CD163L1: variants seen among roughly 807,000 people sequenced by gnomAD.
CD163L1 encodes the protein scavenger receptor cysteine-rich type 1 protein M160.
Under a neutral mutation model 165.4 loss-of-function variants are expected in CD163L1, and 124 were observed. The ratio of observed to expected loss-of-function variants is 0.75; its 90% CI spans 0.65 to 0.87. CD163L1 has a LOEUF of 0.87. Among genes scored for constraint, CD163L1 ranks in the 40% least tolerant of loss-of-function variants. The pLI, the probability that CD163L1 is intolerant of heterozygous loss-of-function variation, is 0.00. For synonymous variants in CD163L1, 585 were observed against 662.2 expected (o/e 0.88, Z 1.79); for missense variants, 1,525 against 1,799.9 (o/e 0.85, Z 2.76).
chr12:7,325,416 G>A, the CD163L1 span, among the ~76,000 whole-genome samples: 3 of 152,232 alleles, frequency 2.0e-5, no homozygotes, highest in Non-Finnish European at 4.4e-5. Flanking sequence ...GGAGGCCGAG[G>A]TGGGTGGATC....
the CD163L1 span, among the ~76,000 whole-genome samples, chr12:7,321,781 C>G: frequency 6.6e-6 from 1 of 152,190 alleles, no homozygotes; most frequent in Non-Finnish European, 1.5e-5. Flanking sequence ...TTACTAATCA[C>G]GTGGCCTTGG....
chr12:7,419,419 A>G (rs1272662942), intron 4 of CD163L1, among the ~76,000 whole-genome samples: 1 of 152,066 alleles, frequency 6.6e-6, no homozygotes. Flanking sequence ...TTGGGGAAAC[A>G]TTGAAAGCAT....
the CD163L1 span, among the ~76,000 whole-genome samples, chr12:7,326,056 G>A: frequency 1.3e-5 from 2 of 152,174 alleles, no homozygotes; most frequent in South Asian, 4.1e-4. Context: ...ATCAATGTAT[G>A]AACAATAAAT....
intron 4 of CD163L1, among the ~76,000 whole-genome samples, chr12:7,431,605 T>C (rs929996526): frequency 1.4e-5 from 2 of 143,358 alleles, no homozygotes; most frequent in Non-Finnish European, 3.1e-5. Context: ...CCAGGGCCCG[T>C]TGGGGGGTGG....
Position 7,404,201 on chromosome 12 carries a change from T to C in CD163L1, c.1088-346A>G, listed in dbSNP as rs1356022213. ...CAATAAAAAGCCATATAAACCTATA[T>C]ATCATTAATTACATTAATTTTCAAA... On this transcript the variant is annotated intron_variant, in intron 5 of 19. Transcript: ENST00000313599. Among the ~76,000 whole-genome samples the C allele has an allele frequency of 2.6e-5, 4 of 152,172 alleles. No homozygotes were observed. In the South Asian group the frequency reaches 6.2e-4, roughly 24 times the overall value.
intron 4 of CD163L1, among the ~76,000 whole-genome samples, chr12:7,413,649 T>C (rs1948181450): frequency 6.6e-6 from 1 of 152,188 alleles, no homozygotes; most frequent in African/African-American, 2.4e-5. Flanking sequence ...CTTCCCCAGA[T>C]GGTGCATGTG....
rs1025430923 is a variant in CD163L1 at position 7,373,373 on chromosome 12, G to A, written c.3677C>T (p.Pro1226Leu). Residue 1226 changes from proline to leucine, a missense_variant, in exon 14 of 20, where the codon CCA becomes CTA. Transcript: ENST00000313599. ...HISIWQCLSA[P>L]WERRISSPAE... ...TGGGCTGGAGATTCTTCGCTCCCAT[G>A]GGGCAGACAGGCACTGCCATATGGA... The A allele has an allele frequency of 8.7e-6, 14 of 1,613,972 alleles. No individual in the cohort carries two copies. Among genetic ancestry groups the A allele is most frequent in the Non-Finnish European group, 1.1e-5 (13 of 1,179,972 alleles).
chr12:7,336,546 A>C, the CD163L1 span, among the ~76,000 whole-genome samples: 1 of 152,160 alleles, frequency 6.6e-6, no homozygotes, highest in Non-Finnish European at 1.5e-5. Context: ...ATTAGGAGAT[A>C]GACCTAATGC....
the CD163L1 span, chr12:7,324,230 G>C: frequency 6.2e-7 from 1 of 1,605,304 alleles, no homozygotes; most frequent in Non-Finnish European, 8.5e-7. Context: ...ACCCATCTCT[G>C]TTCTGACCAG....
At position 7,375,365 on chromosome 12, in the gene CD163L1, C is replaced by T; in HGVS notation, c.2917G>A (p.Glu973Lys). 1 of 1,614,164 alleles carries T rather than the reference C, an allele frequency of 6.2e-7. No individual in the cohort carries two copies. The highest frequency in any genetic ancestry group is 8.5e-7 in the Non-Finnish European group (1 of 1,180,022). The change falls in exon 11 of 20, where the codon GAG becomes AAG. Residue 973 changes from glutamate to lysine, a missense_variant. Coordinates refer to ENST00000313599, the MANE Select transcript of CD163L1 (RefSeq NM_174941.6). ...ATTTGACAGTTATCCAGAAGTGACT[C>T]ATTCCCTAAGCAATGAAACCTGTGT... ...WGHRFHCLGN[E>K]SLLDNCQMTV...
the CD163L1 span, among the ~76,000 whole-genome samples, chr12:7,330,363 AG>A: frequency 6.6e-6 from 1 of 152,236 alleles, no homozygotes; most frequent in Non-Finnish European, 1.5e-5. Context: ...CTAACTTTAC[AG>A]CCCCTCAATA....
chr12:7,323,344 G>T, the CD163L1 span: 10 of 1,601,124 alleles, frequency 6.2e-6, no homozygotes, highest in South Asian at 5.6e-5. Flanking sequence ...GACTGGTTCA[G>T]TAAAGGAGAG....
At chr12:7,439,294 T>G in intron 2 of CD163L1, 1 of 1,558,590 alleles carries the variant, frequency 6.4e-7, no homozygotes, top group Non-Finnish European at 8.7e-7. Context: ...ATCTCTTATT[T>G]CACCCTTTTT....
At chr12:7,397,269 G>A (rs1228563927) in intron 7 of CD163L1, among the ~76,000 whole-genome samples, 1 of 152,120 alleles carries the variant, frequency 6.6e-6, no homozygotes, top group Non-Finnish European at 1.5e-5. Flanking sequence ...GGACAAAGTG[G>A]GAAAAGAAAA....
At chr12:7,416,537 T>C (rs913294301) in intron 4 of CD163L1, among the ~76,000 whole-genome samples, 1 of 152,210 alleles carries the variant, frequency 6.6e-6, no homozygotes, top group African/African-American at 2.4e-5. Context: ...TCTTCTAGGG[T>C]TTTTATGGTT....
At position 7,375,559 on chromosome 12, in the gene CD163L1, T is replaced by A; in HGVS notation, c.2723A>T (p.Gln908Leu). 6.2e-7 allele frequency: 1 copy of A among 1,613,430 alleles called. No individual in the cohort carries two copies. Among genetic ancestry groups the A allele is most frequent in the Non-Finnish European group, 8.5e-7 (1 of 1,180,010 alleles). The change falls in exon 11 of 20, where the codon CAG (glutamine) becomes CTG (leucine). Residue 908 changes from glutamine to leucine, a missense_variant. Physicochemically the swap from Gln to Leu is moderately radical, Grantham distance 113. Transcript: ENST00000313599. ...TDVRLVNGKS[Q>L]CDGQVEINVL... ...GTTGATCTCCACTTGCCCGTCACAC[T>A]GGGATTTGCCATTCACAAGTCGGAC...
Position 7,427,048 on chromosome 12 carries a change from C to T in CD163L1, c.766+5368G>A, listed in dbSNP as rs531274404. On this transcript the variant is annotated intron_variant, in intron 4 of 19. Transcript: ENST00000313599. ...ATGAGCCCCTGTCAAAGCACCTAAA[C>T]ATATAAAGCGAATATTAAGAGATTG... Among the ~76,000 whole-genome samples, 6 of 152,080 alleles carry T rather than the reference C, an allele frequency of 3.9e-5. No homozygotes were observed. In the East Asian group the frequency reaches 1.2e-3, roughly 29 times the overall value.
intron 2 of CD163L1, chr12:7,440,086 T>A (rs956122135): frequency 2.5e-5 from 24 of 977,272 alleles, no homozygotes; most frequent in Non-Finnish European, 9.4e-6. Context: ...ATCAGCGGCG[T>A]AACGGAAGCC....
chr12:7,337,098 G>T, the CD163L1 span, among the ~76,000 whole-genome samples: 1 of 152,088 alleles, frequency 6.6e-6, no homozygotes. Flanking sequence ...TAATGATGTT[G>T]GGAAAACTGG....
Sources: gnomAD v4.1 joint callset for allele counts (sites outside exome capture counted in the v4.1 genomes callset) on GRCh38, gnomAD v4.1.1 for gene constraint, MANE v1.5 for transcripts, NCBI Gene and HGNC (gene_info 2026-07-23, HGNC 2026-07-21) for gene names.